The following EHD3 variants were observed in gnomAD, a reference collection of about 807,000 sequenced individuals.
EHD3 encodes EH domain containing 3.
Under a neutral mutation model 43.0 loss-of-function variants are expected in EHD3, and 17 were observed. The ratio of observed to expected loss-of-function variants is 0.40; its 90% CI spans 0.27 to 0.59. EHD3 has a LOEUF of 0.59. Ranked by LOEUF, EHD3 falls within the 20% of genes least tolerant of loss-of-function variation. The probability of loss-of-function intolerance (pLI) is 0.49; values close to 1 mark genes in which losing one functional copy is unlikely to be tolerated. For synonymous variants in EHD3, 313 were observed against 289.5 expected (o/e 1.08, Z -0.82); for missense variants, 594 against 705.6 (o/e 0.84, Z 1.79).
Position 31,249,869 on chromosome 2 carries a change from A to G in EHD3, c.502+401A>G, listed in dbSNP as rs111588714. ...ATACAGAGAAATTCAGCTCAATGGT[A>G]TCAGTGCCCTGGGTCATAAGAGGAG... is the stretch of plus-strand genomic sequence containing the variant. On this transcript the variant is annotated intron_variant, in intron 3 of 5. Transcript: ENST00000322054. Among the ~76,000 whole-genome samples the G allele has an allele frequency of 9.1e-4, 138 of 152,286 alleles. 1 individual carries two copies. The highest frequency in any genetic ancestry group is 3.4e-3 in the Middle Eastern group (1 of 294).
At chr2:31,245,503 A>G (rs1164423191) in intron 2 of EHD3, among the ~76,000 whole-genome samples, 1 of 148,266 alleles carries the variant, frequency 6.7e-6, no homozygotes, top group Non-Finnish European at 1.5e-5. Context: ...CATTGCCCAA[A>G]GGATTCTCGA....
At chr2:31,252,536 G>T (rs1218548127) in intron 3 of EHD3, among the ~76,000 whole-genome samples, 1 of 152,204 alleles carries the variant, frequency 6.6e-6, no homozygotes, top group Non-Finnish European at 1.5e-5. Context: ...CTGCAATGGC[G>T]TAATCTCGGC....
rs1683994003 is a variant in EHD3, at chr2:31,268,337, T to C, written c.*1633T>C. ...TTCTATGCATCTATGACGTGCTTAC[T>C]ACTGCAGTGCATTTGTCATTAGTCT... On this transcript the variant is annotated 3_prime_UTR_variant, in exon 6 of 6. Coordinates refer to ENST00000322054, the MANE Select transcript of EHD3 (RefSeq NM_014600.3). 1 of 152,716 alleles carries C rather than the reference T, an allele frequency of 6.5e-6. No individual in the cohort carries two copies. Among genetic ancestry groups the C allele is most frequent in the African/African-American group, 2.4e-5 (1 of 41,478 alleles). 9.5% of individuals were successfully genotyped at this position (152,716 alleles called of 1,614,324 possible). A position where few individuals can be genotyped will look rare whatever the true frequency, so the allele number is the denominator to read the frequency against.
rs1432045095 is a variant in EHD3 at position 31,234,517 on chromosome 2, G to A, written c.-105G>A. 1 of 1,337,130 alleles carries A rather than the reference G, an allele frequency of 7.5e-7. No individual in the cohort carries two copies. Among genetic ancestry groups the A allele is most frequent in the Admixed American group, 2.0e-5 (1 of 50,024 alleles). 82.8% of individuals were successfully genotyped at this position (1,337,130 alleles called of 1,614,324 possible). The stretch of plus-strand genomic sequence containing the variant: ...GCGGCTGAGCCCCGCGCTTGGGTGA[G>A]GCGGCGGCGCGGCTCGGAGCCCGGC... On this transcript the variant is annotated 5_prime_UTR_variant, in exon 1 of 6. Coordinates refer to ENST00000322054, the MANE Select transcript of EHD3 (RefSeq NM_014600.3).
rs58840599 is a variant in EHD3 at position 31,260,347 on chromosome 2, G to A, written c.503-163G>A. ...GACGAAAAAAATTCTATGAGACATT[G>A]AGTAATTTGCTGGAGTCCAAACAGT... is the stretch of plus-strand genomic sequence containing the variant. On this transcript the variant is annotated intron_variant, in intron 3 of 5. Transcript: ENST00000322054. This position sits in a 1 kb window ranked among gnomAD's most constrained non-coding sequence, Gnocchi z 4.6. Among the ~76,000 whole-genome samples the A allele has an allele frequency of 0.02, 2,997 of 152,214 alleles. 109 individuals are homozygous for A. The highest frequency in any genetic ancestry group is 0.069 in the African/African-American group (2,872 of 41,526).
chr2:31,240,773 G>A, intron 1 of EHD3, among the ~76,000 whole-genome samples: 1 of 152,136 alleles, frequency 6.6e-6, no homozygotes, highest in East Asian at 1.9e-4. Flanking sequence ...GTTCATTCTG[G>A]GCATTTTTGA....
chr2:31,263,036 A>T (rs1372946898), intron 5 of EHD3, among the ~76,000 whole-genome samples: 2 of 152,220 alleles, frequency 1.3e-5, no homozygotes, highest in Admixed American at 1.3e-4. Flanking sequence ...GTTTAAATCT[A>T]GGTTTTTCAT....
At chr2:31,247,565 C>G (rs1047541049) in intron 2 of EHD3, among the ~76,000 whole-genome samples, 1 of 152,130 alleles carries the variant, frequency 6.6e-6, no homozygotes, top group African/African-American at 2.4e-5. Context: ...AGAAATGTGG[C>G]CACAGGAGGG....
rs1213457764 is a variant in EHD3, at chr2:31,266,755, G to A, written c.*51G>A. The A allele has an allele frequency of 1.4e-5, 21 of 1,478,618 alleles. No homozygotes were observed. The South Asian group carries it at 1.5e-4, about 11-fold the overall frequency. The allele number at this position is 1,478,618 out of a possible 1,614,324, so 91.6% of individuals were successfully genotyped here. On this transcript the variant is annotated 3_prime_UTR_variant, in exon 6 of 6. Coordinates refer to ENST00000322054, the MANE Select transcript of EHD3 (RefSeq NM_014600.3). The surrounding 1 kb of genome is among the most constrained non-coding windows in gnomAD (Gnocchi z 5.1). ...CAGTGTTAGAGGAGGAGATGGGAGC[G>A]GTGACTACACACACACACACACACA...
rs1683771224 is a variant in EHD3, at chr2:31,257,412, C to G, written c.503-3098C>G. ...AGTGGGAATGCTTAGGCTTCCCGGG[C>G]TCCAGTGAGGAGCTGGCTGTGCCTG... On this transcript the variant is annotated intron_variant, in intron 3 of 5. Coordinates refer to ENST00000322054, the MANE Select transcript of EHD3 (RefSeq NM_014600.3). Among the ~76,000 whole-genome samples the G allele has an allele frequency of 2.0e-5, 3 of 152,000 alleles. No individual in the cohort carries two copies. The South Asian group carries it at 6.2e-4, about 31-fold the overall frequency.
chr2:31,263,844 A>G (rs1683896109), intron 5 of EHD3, among the ~76,000 whole-genome samples: 1 of 152,216 alleles, frequency 6.6e-6, no homozygotes, highest in African/African-American at 2.4e-5. Flanking sequence ...GAAAGCTGTC[A>G]CCCTATCACC....
At position 31,269,283 on chromosome 2, in the gene EHD3, A is replaced by C. The variant is rs1684009418; in HGVS notation, c.*2579A>C. The C allele has an allele frequency of 1.3e-5, 2 of 152,168 alleles. No individual in the cohort carries two copies. Among genetic ancestry groups the C allele is most frequent in the African/African-American group, 4.8e-5 (2 of 41,438 alleles). The allele number at this position is 152,168 out of a possible 1,614,324, so 9.4% of individuals were successfully genotyped here. On this transcript the variant is annotated 3_prime_UTR_variant, in exon 6 of 6. Transcript: ENST00000322054. ...GAATCCATCCAATAAACACAGCAAC[A>C]CCCTATGCTACTGACCAAGCAAAGC...
At chr2:31,261,798 G>A in intron 5 of EHD3, 85 bp downstream of exon 5, 1 of 1,523,482 alleles carries the variant, frequency 6.6e-7, no homozygotes, top group Non-Finnish European at 8.9e-7. Flanking sequence ...GCCACTCTTG[G>A]AGCCCCCCAG....
At chr2:31,249,649 G>A (rs982773179) in intron 3 of EHD3, among the ~76,000 whole-genome samples, 181 bp downstream of exon 3, 2 of 152,120 alleles carry the variant, frequency 1.3e-5, no homozygotes, top group African/African-American at 4.8e-5. Flanking sequence ...GCAGGGGTCG[G>A]GAGAGGGGAA....
At chr2:31,235,919 A>G (rs1683316862) in intron 1 of EHD3, among the ~76,000 whole-genome samples, 1 of 152,028 alleles carries the variant, frequency 6.6e-6, no homozygotes, top group Admixed American at 6.6e-5. Context: ...CTGTCTTAAG[A>G]CTCAGGCTCC....
At chr2:31,250,102 G>A (rs1683603829) in intron 3 of EHD3, among the ~76,000 whole-genome samples, 1 of 149,520 alleles carries the variant, frequency 6.7e-6, no homozygotes, top group South Asian at 2.2e-4. Context: ...GAAAAATGGT[G>A]TGGGGCGGTG....
chr2:31,261,845 G>T (rs1313067718), intron 5 of EHD3, 132 bp downstream of exon 5: 24 of 964,036 alleles, frequency 2.5e-5, no homozygotes, highest in Middle Eastern at 3.6e-4. Flanking sequence ...CAAGGAGGTG[G>T]CCCTGGATCT....
chr2:31,250,420 C>T (rs1683613350), intron 3 of EHD3, among the ~76,000 whole-genome samples: 1 of 152,062 alleles, frequency 6.6e-6, no homozygotes. Flanking sequence ...GCGTGCACCA[C>T]CACACCCAGC....
At chr2:31,242,093 T>A (rs1683434321) in intron 1 of EHD3, among the ~76,000 whole-genome samples, 1 of 152,004 alleles carries the variant, frequency 6.6e-6, no homozygotes, top group Admixed American at 6.6e-5. Context: ...GGCTCCTCCT[T>A]GGGGACGGAG....
Sources: gnomAD v4.1 joint callset for allele counts (sites outside exome capture counted in the v4.1 genomes callset) on GRCh38, gnomAD v4.1.1 for gene constraint, Gnocchi (gnomAD v3.1) non-coding constraint, MANE v1.5 for transcripts, NCBI Gene and HGNC (gene_info 2026-07-23, HGNC 2026-07-21) for gene names.